The following HDAC4 variants were observed in gnomAD, a reference collection of about 807,000 sequenced individuals.
HDAC4 encodes the protein histone deacetylase A.
Under a neutral mutation model 135.1 loss-of-function variants are expected in HDAC4, and 16 were observed. That is an observed-to-expected ratio of 0.12 (90% CI 0.08 to 0.18). HDAC4 has a LOEUF of 0.18. Among genes scored for constraint, HDAC4 ranks in the 10% least tolerant of loss-of-function variants. HDAC4 has a pLI of 1.00. For synonymous variants in HDAC4, 685 were observed against 653.4 expected, an observed-to-expected ratio of 1.05 and a Z score of -0.74; for missense variants, 1,143 against 1,511.8, an observed-to-expected ratio of 0.76 and a Z score of 4.05.
chr2:239,210,842 C>T (rs539229178), intron 3 of HDAC4, among the ~76,000 whole-genome samples: 6 of 152,294 alleles, frequency 3.9e-5, no homozygotes, highest in Middle Eastern at 3.4e-3. Context: ...AGAACCCTCT[C>T]GAGTGAAAAC....
rs1320464925 is a variant in HDAC4, at chr2:239,349,844, G to T, written c.22+2834C>A. 6.6e-6 allele frequency among the ~76,000 whole-genome samples: 1 copy of T among 152,256 alleles called. No individual in the cohort carries two copies. The highest frequency in any genetic ancestry group is 2.4e-5 in the African/African-American group (1 of 41,458). On this transcript the variant is annotated intron_variant, in intron 2 of 26. Transcript: ENST00000543185. This position sits in a 1 kb window ranked among gnomAD's most constrained non-coding sequence, Gnocchi z 5.7. ...GTACCCCCTGCACAGATGGAGAGCA[G>T]AGAATGGGCTGGGCCAAGGGGCAGC...
In HDAC4 at chr2:239,324,511, C is replaced by T. The variant is rs57107711; in HGVS notation, c.22+28167G>A. 1.7e-3 allele frequency among the ~76,000 whole-genome samples: 259 copies of T among 152,362 alleles called. 1 individual carries two copies. Among genetic ancestry groups the T allele is most frequent in the African/African-American group, 6.1e-3 (252 of 41,586 alleles). ...GGGCCAAGCAAAGCCAAAGTGCCTG[C>T]GTGGCATGCTGTGGCTTCCTGCTCA... On this transcript the variant is annotated intron_variant, in intron 2 of 26. Coordinates refer to ENST00000543185, the MANE Select transcript of HDAC4 (RefSeq NM_001378414.1).
rs143548036 is a variant in HDAC4 at position 239,143,594 on chromosome 2, C to T, written c.865+989G>A. Among the ~76,000 whole-genome samples, 37 of 152,346 alleles carry T rather than the reference C, an allele frequency of 2.4e-4. No homozygotes were observed. The East Asian group carries it at 6.8e-3, about 28-fold the overall frequency. ...AAATATTCAGACCCAGACCCTTACA[C>T]CGTGGTTAGGAACTCCTCAAGTAGA... On this transcript the variant is annotated intron_variant, in intron 8 of 26. Coordinates refer to ENST00000543185, the MANE Select transcript of HDAC4 (RefSeq NM_001378414.1).
Position 239,162,321 on chromosome 2 carries a change from G to A in HDAC4, c.611+1482C>T, listed in dbSNP as rs568345186. The A allele has an allele frequency of 4.6e-4, 211 of 456,442 alleles. 1 individual carries two copies. The highest frequency in any genetic ancestry group is 3.1e-3 in the South Asian group (200 of 64,540). 28.3% of individuals were successfully genotyped at this position (456,442 alleles called of 1,614,324 possible). Reference sequence around the variant, plus strand: ...TCTGCACTCCAGCTCTCCATCCTCCGCCAGGCCCCAGGCCCACCCTGCCCC... The same window carrying A: ...TCTGCACTCCAGCTCTCCATCCTCCACCAGGCCCCAGGCCCACCCTGCCCC... On this transcript the variant is annotated intron_variant, in intron 6 of 26. Coordinates refer to ENST00000543185, the MANE Select transcript of HDAC4 (RefSeq NM_001378414.1).
chr2:239,117,565 C>CAAAAAA (rs34154007), intron 12 of HDAC4, among the ~76,000 whole-genome samples: 1 of 116,298 alleles, frequency 8.6e-6, no homozygotes, highest in Non-Finnish European at 1.7e-5. Context: ...CGGGAAGTGG[C>CAAAAAA]AAAAAAAAAA....
intron 1 of HDAC4, among the ~76,000 whole-genome samples, chr2:239,394,106 G>A (rs904767413): frequency 6.6e-6 from 1 of 152,000 alleles, no homozygotes; most frequent in African/African-American, 2.4e-5. Context: ...AAGGGAAAAT[G>A]CAATTCCATC....
At chr2:239,067,038 G>T in intron 23 of HDAC4, 183 bp from the exon 24 acceptor site, 1 of 695,732 alleles carries the variant, frequency 1.4e-6, no homozygotes, top group Non-Finnish European at 2.5e-6. Context: ...TCTTTGATCT[G>T]TTTGAGAGGA....
Position 239,284,415 on chromosome 2 carries a change from G to A in HDAC4, c.23-47751C>T, listed in dbSNP as rs539642894. Among the ~76,000 whole-genome samples, 14 of 152,296 alleles carry A rather than the reference G, an allele frequency of 9.2e-5. No individual in the cohort carries two copies. In the East Asian group the frequency reaches 2.7e-3, roughly 29 times the overall value. On this transcript the variant is annotated intron_variant, in intron 2 of 26. Coordinates refer to ENST00000543185, the MANE Select transcript of HDAC4 (RefSeq NM_001378414.1). ...TGGCCAACAGCATGCTCCATCACGG[G>A]GACCCTCCGCGGGGCCTCGGGGAGC...
intron 3 of HDAC4, among the ~76,000 whole-genome samples, chr2:239,234,545 A>G (rs2047771825): frequency 6.6e-6 from 1 of 152,226 alleles, no homozygotes; most frequent in Non-Finnish European, 1.5e-5. Flanking sequence ...GGACACTGAG[A>G]TGACATTTAT....
At chr2:239,159,636 C>A (rs2042661668) in intron 6 of HDAC4, among the ~76,000 whole-genome samples, 1 of 152,066 alleles carries the variant, frequency 6.6e-6, no homozygotes, top group South Asian at 2.1e-4. Context: ...ACACCCACAT[C>A]CCCCATTCAC....
intron 2 of HDAC4, among the ~76,000 whole-genome samples, chr2:239,334,949 T>G (rs1266733583): frequency 2.2e-5 from 3 of 135,158 alleles, no homozygotes; most frequent in African/African-American, 8.5e-5. Context: ...GGCGTGAACC[T>G]GGGAGGCGGA....
intron 12 of HDAC4, among the ~76,000 whole-genome samples, chr2:239,119,120 TCC>T (rs1399246389): frequency 1.3e-5 from 2 of 152,074 alleles, no homozygotes; most frequent in African/African-American, 2.4e-5. Context: ...TTCCTGCAGC[TCC>T]CCCAGGGCCC....
At chr2:239,325,130 TAAA>T (rs1293083396) in intron 2 of HDAC4, among the ~76,000 whole-genome samples, 1 of 152,136 alleles carries the variant, frequency 6.6e-6, no homozygotes, top group East Asian at 1.9e-4. Context: ...ACTAAAACCA[TAAA>T]ACTCATAGAA....
Position 239,163,915 on chromosome 2 carries a change from C to G in HDAC4, c.499G>C (p.Ala167Pro). The G allele has an allele frequency of 6.2e-7, 1 of 1,614,068 alleles. No individual in the cohort carries two copies. ...AACTTCATCTTCACTTCTGTGCTGG[C>G]CACGGCACCTGGCGTGGGAGAAAGC... The part of the protein sequence containing the change: ...NKEKGKESAV[A>P]STEVKMKLQE... Residue 167 changes from alanine (A) to proline (P), a missense_variant, in exon 6 of 27, where the codon GCC becomes CCC. Around this residue, in one of 9 missense-constraint regions of HDAC4, gnomAD observed 247 missense variants for 310.0 expected, o/e 0.80. Coordinates refer to ENST00000543185, the MANE Select transcript of HDAC4 (RefSeq NM_001378414.1).
intron 2 of HDAC4, among the ~76,000 whole-genome samples, chr2:239,244,813 C>T (rs768224612): frequency 6.6e-6 from 1 of 152,126 alleles, no homozygotes; most frequent in Non-Finnish European, 1.5e-5. Flanking sequence ...CTCCACTGTG[C>T]GGCCCACACC....
chr2:239,298,993 C>G (rs1227134469), intron 2 of HDAC4, among the ~76,000 whole-genome samples: 2 of 151,536 alleles, frequency 1.3e-5, no homozygotes, highest in African/African-American at 4.9e-5. Flanking sequence ...CTCAGCCTCC[C>G]GAGTAGCTGG....
intron 2 of HDAC4, among the ~76,000 whole-genome samples, chr2:239,253,655 A>T (rs1046696237): frequency 2.6e-5 from 4 of 152,230 alleles, no homozygotes; most frequent in African/African-American, 9.6e-5. Context: ...CCACTGTAAG[A>T]ACAAAGAAAC....
rs369173736 is a variant in HDAC4, at chr2:239,278,611, G to A, written c.23-41947C>T. 3.0e-3 allele frequency among the ~76,000 whole-genome samples: 461 copies of A among 152,290 alleles called. 6 individuals are homozygous for A. The highest frequency in any genetic ancestry group is 0.01 in the African/African-American group (426 of 41,542). On this transcript the variant is annotated intron_variant, in intron 2 of 26. Transcript: ENST00000543185. The stretch of plus-strand genomic sequence containing the variant: ...CGCCTGAGCCCAGGAGACAGAGGCT[G>A]CAGTGAGGCGAGATCATGCCACTGT...
chr2:239,250,000 G>A (rs1008301072), intron 2 of HDAC4, among the ~76,000 whole-genome samples: 6 of 152,184 alleles, frequency 3.9e-5, no homozygotes, highest in African/African-American at 1.2e-4. Context: ...CGGGCCTCCC[G>A]CCTCTGGAAG....
Sources: gnomAD v4.1 joint callset for allele counts (sites outside exome capture counted in the v4.1 genomes callset) on GRCh38, gnomAD v4.1.1 for gene constraint, gnomAD v4.1.1 regional missense constraint, Gnocchi (gnomAD v3.1) non-coding constraint, MANE v1.5 for transcripts, NCBI Gene and HGNC (gene_info 2026-07-23, HGNC 2026-07-21) for gene names.